PCDHA4: variants seen among roughly 807,000 people sequenced by gnomAD.
The protein encoded by PCDHA4 is protocadherin alpha 4, also known as protocadherin alpha-4.
PCDHA4 carries 49 observed loss-of-function variants against 61.4 expected under a neutral mutation model. The ratio of observed to expected loss-of-function variants is 0.80; its 90% CI spans 0.63 to 1.01. The LOEUF (loss-of-function observed/expected upper bound fraction) is 1.01. Among genes scored for constraint, PCDHA4 ranks in the 50% least tolerant of loss-of-function variants. PCDHA4 has a pLI of 0.00. For missense variants in PCDHA4, 1,254 were observed against 1,235.8 expected (o/e 1.01, Z -0.22); for synonymous variants, 590 against 550.3 (o/e 1.07, Z -1.01).
intron 1 of PCDHA4, chr5:140,929,034 C>T (rs561529051): frequency 2.5e-6 from 4 of 1,614,158 alleles, no homozygotes; most frequent in East Asian, 4.5e-5. Flanking sequence ...CAGGCTGTTG[C>T]GCTCAGAGCT....
Position 141,009,628 on chromosome 5 carries a change from A to G in PCDHA4, c.2535A>G (p.Glu845=), listed in dbSNP as rs1441195912. The G allele has an allele frequency of 1.2e-6, 2 of 1,613,000 alleles. No individual in the cohort carries two copies. The highest frequency in any genetic ancestry group is 2.2e-5 in the East Asian group (1 of 44,852). Residue 845 remains glutamate, a splice_region_variant and synonymous_variant, in exon 4 of 4, where the codon GAA becomes GAG. Coordinates refer to ENST00000530339, the MANE Select transcript of PCDHA4 (RefSeq NM_018907.4). ...GATTTGTAATGTTTTGTCTTTCAGA[A>G]CCAGAGGCAGGAGAAGTGTCCCCTC... is the stretch of plus-strand genomic sequence containing the variant. ...QWPTVSSATP[E]PEAGEVSPPV...
At chr5:140,828,978 A>G in intron 1 of PCDHA4, 1 of 1,614,200 alleles carries the variant, frequency 6.2e-7, no homozygotes, top group Non-Finnish European at 8.5e-7. Context: ...TTTAGCATAG[A>G]TCGAAATACG....
At chr5:141,007,402 A>G in intron 3 of PCDHA4, among the ~76,000 whole-genome samples, 2 of 149,740 alleles carry the variant, frequency 1.3e-5, no homozygotes. Context: ...ATACAAAAAA[A>G]AAAAAAAAAA....
In PCDHA4 at chr5:140,945,883, GAA is replaced by G. The variant is rs2093856247; in HGVS notation, c.2386-33063_2386-33062del. On this transcript the variant is annotated intron_variant, in intron 1 of 3. Transcript: ENST00000530339. ...GACCTGAAATTGTAAAACTAACAAA[GAA>G]AACACAGTGGGAAAGATGAAAGATC... Among the ~76,000 whole-genome samples the G allele has an allele frequency of 2.6e-5, 4 of 152,104 alleles. No homozygotes were observed. The South Asian group carries it at 8.3e-4, about 32-fold the overall frequency.
Position 140,807,844 on chromosome 5 carries a change from A to T in PCDHA4, c.657A>T (p.Lys219Asn), listed in dbSNP as rs782535026. ...FLVLTATDGGKPELTGTVQLL... is the reference protein window; with the variant it reads ...FLVLTATDGGNPELTGTVQLL... ...TGCTCACAGCCACTGATGGAGGCAAACCCGAGTTGACTGGCACCGTTCAGT... is the reference window on the plus strand; with the variant it reads ...TGCTCACAGCCACTGATGGAGGCAATCCCGAGTTGACTGGCACCGTTCAGT... Residue 219 changes from lysine (K) to asparagine (N), a missense_variant, in exon 1 of 4, where the codon AAA (lysine) becomes AAT (asparagine). Physicochemically the swap from Lys to Asn is moderately conservative, Grantham distance 94. Transcript: ENST00000530339. 1.5e-5 allele frequency: 24 copies of T among 1,614,148 alleles called. 1 individual carries two copies. In the African/African-American group the frequency reaches 3.1e-4, roughly 21 times the overall value.
Position 140,843,501 on chromosome 5 carries a change from C to T in PCDHA4, c.2385+33929C>T, listed in dbSNP as rs2150361276. The stretch of plus-strand genomic sequence containing the variant: ...ACTGCGCTGCGGTGCTCAGCACTGC[C>T]CACTGAGGGCGGGTGCCGGGCGGGC... On this transcript the variant is annotated intron_variant, in intron 1 of 3. Coordinates refer to ENST00000530339, the MANE Select transcript of PCDHA4 (RefSeq NM_018907.4). 8.1e-6 allele frequency: 13 copies of T among 1,595,862 alleles called. 1 individual carries two copies. Among genetic ancestry groups the T allele is most frequent in the East Asian group, 2.2e-5 (1 of 44,830 alleles).
At chr5:140,968,167 A>C (rs782252124) in intron 1 of PCDHA4, 1 of 1,614,076 alleles carries the variant, frequency 6.2e-7, no homozygotes, top group Admixed American at 1.7e-5. Flanking sequence ...ACAATCCACC[A>C]AGCTTCCTGG....
chr5:140,837,564 A>G, intron 1 of PCDHA4, among the ~76,000 whole-genome samples: 1 of 152,062 alleles, frequency 6.6e-6, no homozygotes, highest in South Asian at 2.1e-4. Context: ...ATATAAATAT[A>G]TTTACAATCA....
chr5:140,862,746 C>A, intron 1 of PCDHA4: 2 of 577,770 alleles, frequency 3.5e-6, no homozygotes, highest in East Asian at 9.5e-5. Flanking sequence ...TGTGGGTGCA[C>A]GCGGAGAGCG....
intron 1 of PCDHA4, among the ~76,000 whole-genome samples, chr5:140,873,433 C>A (rs1404157271): frequency 2.0e-5 from 3 of 152,116 alleles, no homozygotes; most frequent in African/African-American, 7.2e-5. Context: ...TATTTTATAT[C>A]ACATAAATAA....
chr5:140,914,724 G>A (rs923867157), intron 1 of PCDHA4, among the ~76,000 whole-genome samples: 1 of 150,732 alleles, frequency 6.6e-6, no homozygotes, highest in Non-Finnish European at 1.5e-5. Flanking sequence ...TTTATTTTTT[G>A]TGTATCCATT....
At chr5:140,828,423 A>G (rs2150155185) in intron 1 of PCDHA4, 29 of 1,614,154 alleles carry the variant, frequency 1.8e-5, no homozygotes. Flanking sequence ...GTGATCGTGG[A>G]CAGGCCGCTG....
At chr5:140,981,284 G>A (rs1554242765) in intron 2 of PCDHA4, among the ~76,000 whole-genome samples, 4 of 152,094 alleles carry the variant, frequency 2.6e-5, no homozygotes, top group Non-Finnish European at 5.9e-5. Context: ...GTTTAAAAGG[G>A]TCCTCTAGTC....
intron 1 of PCDHA4, chr5:140,968,978 G>A: frequency 1.9e-6 from 3 of 1,614,212 alleles, no homozygotes; most frequent in Non-Finnish European, 1.7e-6. Flanking sequence ...CACTGCGTAT[G>A]GCACTGCATG....
chr5:140,843,274 G>A, intron 1 of PCDHA4: 6 of 1,596,094 alleles, frequency 3.8e-6, no homozygotes, highest in Non-Finnish European at 5.1e-6. Flanking sequence ...TGGTCCTGGT[G>A]AAGGATCATG....
In PCDHA4 at chr5:140,870,942, G is replaced by A. The variant is rs782286042; in HGVS notation, c.2385+61370G>A. ...GGCTTTCATATGAATTGCAGCCGGC[G>A]GCGGGCGGCTCGCGCATCCCGTTCC... On this transcript the variant is annotated intron_variant, in intron 1 of 3. Transcript: ENST00000530339. The A allele has an allele frequency of 5.0e-6, 8 of 1,613,740 alleles. No individual in the cohort carries two copies. The Admixed American group carries it at 6.7e-5, about 13-fold the overall frequency.
At chr5:140,884,588 C>G (rs1554181766) in intron 1 of PCDHA4, 1 of 1,614,152 alleles carries the variant, frequency 6.2e-7, no homozygotes, top group East Asian at 2.2e-5. Context: ...GGCCTTCAGT[C>G]CCAGCCTTCC....
chr5:140,973,411 C>G (rs545745437), intron 1 of PCDHA4, among the ~76,000 whole-genome samples: 2 of 152,326 alleles, frequency 1.3e-5, no homozygotes, highest in East Asian at 3.9e-4. Context: ...TGAGCTTCCA[C>G]TCCAGTTTTT....
At chr5:140,898,751 A>G (rs2066956971) in intron 1 of PCDHA4, among the ~76,000 whole-genome samples, 1 of 152,050 alleles carries the variant, frequency 6.6e-6, no homozygotes, top group Admixed American at 6.6e-5. Context: ...CTTGATGGGG[A>G]TGGCATTGAA....
Sources: gnomAD v4.1 joint callset for allele counts (sites outside exome capture counted in the v4.1 genomes callset) on GRCh38, gnomAD v4.1.1 for gene constraint, MANE v1.5 for transcripts, NCBI Gene and HGNC (gene_info 2026-07-23, HGNC 2026-07-21) for gene names.